The following PLOD2 variants were observed in gnomAD, a reference collection of about 807,000 sequenced individuals.
PLOD2 encodes the protein procollagen-lysine,2-oxoglutarate 5-dioxygenase 2, also known as lysine hydroxylase 2.
In PLOD2, 65 loss-of-function variants were observed where a neutral mutation model predicts 101.0. The ratio of observed to expected loss-of-function variants is 0.64; its 90% CI spans 0.53 to 0.79. The LOEUF (loss-of-function observed/expected upper bound fraction) is 0.79, where lower values mean the gene tolerates loss of function less well. Ranked by LOEUF, PLOD2 falls within the 30% of genes least tolerant of loss-of-function variation. The pLI, the probability that PLOD2 is intolerant of heterozygous loss-of-function variation, is 0.00. For synonymous variants in PLOD2, 314 were observed against 302.9 expected (o/e 1.04, Z -0.38); for missense variants, 909 against 914.6 (o/e 0.99, Z 0.08).
chr3:146,081,823 A>G lies in PLOD2; in HGVS notation c.1273T>C (p.Trp425Arg). ...CTCAATGCTCCCCAGAAATTGGACC[A>G]CAGCTTTCCATGACGAGTTACAAGA... ...APLVTRHGKL[W>R]SNFWGALSPD... The change falls in exon 12 of 20, where the codon TGG (tryptophan) becomes CGG (arginine). Residue 425 changes from tryptophan (W) to arginine (R), a missense_variant. By Grantham distance (101) the Trp-to-Arg change is moderately radical (BLOSUM62 -3). Coordinates refer to ENST00000282903, the MANE Select transcript of PLOD2 (RefSeq NM_182943.3). The G allele has an allele frequency of 6.2e-7, 1 of 1,612,628 alleles. No homozygotes were observed. Among genetic ancestry groups the G allele is most frequent in the Admixed American group, 1.7e-5 (1 of 60,016 alleles).
chr3:146,086,741 T>A, intron 10 of PLOD2, 46 bp downstream of exon 10: 2 of 1,256,182 alleles, frequency 1.6e-6, no homozygotes, highest in East Asian at 5.2e-5. Flanking sequence ...TCTTAACGTT[T>A]CCTTAGTAAA....
chr3:146,107,653 T>G (rs936156530), intron 4 of PLOD2, among the ~76,000 whole-genome samples: 2 of 55,644 alleles, frequency 3.6e-5, no homozygotes, highest in Non-Finnish European at 7.2e-5. Flanking sequence ...TTTTTTTTTT[T>G]GGAGACAGAG....
intron 1 of PLOD2, among the ~76,000 whole-genome samples, chr3:146,130,897 A>G (rs139959751): frequency 1.3e-5 from 2 of 152,336 alleles, no homozygotes; most frequent in African/African-American, 4.8e-5. Flanking sequence ...CAGGCATCTG[A>G]AAAGTTGGAT....
At chr3:146,123,103 C>T (rs551256257) in intron 2 of PLOD2, among the ~76,000 whole-genome samples, 26 of 152,148 alleles carry the variant, frequency 1.7e-4, no homozygotes, top group African/African-American at 5.5e-4. Context: ...TCTATATTAA[C>T]ACTTAGCTGT....
In PLOD2 at chr3:146,077,772, A is replaced by G. The variant is rs9874388; in HGVS notation, c.1563+90T>C. 0.51 allele frequency: 365,550 copies of G among 723,694 alleles called. 93,053 individuals carry two copies. The highest frequency in any genetic ancestry group is 0.56 in the African/African-American group (30,542 of 54,922). 44.8% of individuals were successfully genotyped at this position (723,694 alleles called of 1,614,324 possible). On this transcript the variant is annotated intron_variant, in intron 14 of 19. Transcript: ENST00000282903. ...CAACATTTTACCAAGCTAAATGCAA[A>G]TAAGGCCCTTAAAGAAACTTTACTA... is the stretch of plus-strand genomic sequence containing the variant.
intron 15 of PLOD2, among the ~76,000 whole-genome samples, chr3:146,074,254 T>A (rs1260391956): frequency 6.6e-6 from 1 of 151,586 alleles, no homozygotes; most frequent in African/African-American, 2.4e-5. Context: ...AGATATCTTC[T>A]GAAATTTAGA....
At chr3:146,124,326 G>A in intron 1 of PLOD2, 97 bp from the exon 2 acceptor site, 1 of 707,528 alleles carries the variant, frequency 1.4e-6, no homozygotes, top group Non-Finnish European at 2.5e-6. Flanking sequence ...CTAAACCCGT[G>A]GGAATATTCT....
chr3:146,123,634 A>G (rs936426465), intron 2 of PLOD2, among the ~76,000 whole-genome samples: 8 of 152,084 alleles, frequency 5.3e-5, no homozygotes, highest in Non-Finnish European at 1.0e-4. Context: ...AGCAAAACCC[A>G]TTACAGAAAA....
intron 1 of PLOD2, among the ~76,000 whole-genome samples, chr3:146,132,197 T>C (rs1431122396): frequency 6.6e-6 from 1 of 152,156 alleles, no homozygotes; most frequent in African/African-American, 2.4e-5. Flanking sequence ...CATCCCAGTA[T>C]GCCCAGGGCT....
intron 8 of PLOD2, 161 bp from the exon 9 acceptor site, chr3:146,088,872 A>G (rs973192247): frequency 1.6e-6 from 1 of 638,852 alleles, no homozygotes; most frequent in Non-Finnish European, 2.7e-6. Context: ...TAACACTTGA[A>G]ACAAATTTTT....
intron 3 of PLOD2, among the ~76,000 whole-genome samples, chr3:146,113,645 TCTTTA>T (rs1251988630): frequency 4.6e-5 from 7 of 152,214 alleles, no homozygotes; most frequent in South Asian, 2.1e-4. Flanking sequence ...CCTATGCCTG[TCTTTA>T]CTTTAATCTC....
intron 1 of PLOD2, among the ~76,000 whole-genome samples, chr3:146,144,101 C>T (rs2031657430): frequency 1.3e-5 from 2 of 152,128 alleles, no homozygotes; most frequent in Non-Finnish European, 2.9e-5. Context: ...AAAAGCATCT[C>T]CTGAAAACAG....
intron 1 of PLOD2, among the ~76,000 whole-genome samples, chr3:146,147,831 G>T (rs1559872759): frequency 6.6e-6 from 1 of 152,160 alleles, no homozygotes; most frequent in Non-Finnish European, 1.5e-5. Context: ...AAGAGGCCAG[G>T]CACCTGCTAT....
At chr3:146,119,552 A>G (rs1237876606) in intron 3 of PLOD2, among the ~76,000 whole-genome samples, 1 of 151,962 alleles carries the variant, frequency 6.6e-6, no homozygotes, top group African/African-American at 2.4e-5. Context: ...GTAACTTGTC[A>G]TTTAACATTA....
chr3:146,131,526 ATAAAG>A (rs1384835424), intron 1 of PLOD2, among the ~76,000 whole-genome samples: 2 of 152,236 alleles, frequency 1.3e-5, no homozygotes, highest in African/African-American at 4.8e-5. Flanking sequence ...TATTTGGTAC[ATAAAG>A]TAATCATACC....
rs77526223 is a variant in PLOD2, at chr3:146,100,703, T to C, written c.777+2052A>G. Among the ~76,000 whole-genome samples, 612 of 152,158 alleles carry C rather than the reference T, an allele frequency of 4.0e-3. 3 individuals carry two copies. The highest frequency in any genetic ancestry group is 0.014 in the African/African-American group (573 of 41,514). On this transcript the variant is annotated intron_variant, in intron 7 of 19. Transcript: ENST00000282903. ...GAGGGAGAAAGGAGAAGAAATTGAA[T>C]GTGAAGAGGGTGTGCATGTGTAGGG...
chr3:146,124,660 A>G (rs920472590), intron 1 of PLOD2, among the ~76,000 whole-genome samples: 22 of 58,996 alleles, frequency 3.7e-4, no homozygotes, highest in African/African-American at 1.6e-3. Flanking sequence ...ATAATGACAT[A>G]CACAAAAAAA....
rs1937428727 is a variant in PLOD2 at position 146,102,622 on chromosome 3, AG to A, written c.777+132del. On this transcript the variant is annotated intron_variant, in intron 7 of 19. Transcript: ENST00000282903. The stretch of plus-strand genomic sequence containing the variant: ...AAAACCAGATGATATACTGTGTAAA[AG>A]ATGAAGTCTTTATTTTAGCACCAAA... 3 of 631,980 alleles carry A rather than the reference AG, an allele frequency of 4.7e-6. No individual in the cohort carries two copies. In the South Asian group the frequency reaches 5.5e-5, roughly 12 times the overall value. The allele number at this position is 631,980 out of a possible 1,614,324, so 39.1% of individuals were successfully genotyped here.
At chr3:146,134,327 T>C (rs2031104483) in intron 1 of PLOD2, among the ~76,000 whole-genome samples, 1 of 152,208 alleles carries the variant, frequency 6.6e-6, no homozygotes, top group Non-Finnish European at 1.5e-5. Context: ...TTTTCCAGAA[T>C]TTATGACTTG....
Sources: allele counts gnomAD v4.1 joint callset (sites outside exome capture counted in the v4.1 genomes callset), GRCh38; gene constraint gnomAD v4.1.1; transcripts MANE v1.5; gene names NCBI Gene and HGNC (gene_info 2026-07-23, HGNC 2026-07-21).